The following TRIM71 variants were observed in gnomAD, a reference collection of about 807,000 sequenced individuals.
The protein encoded by TRIM71 is E3 ubiquitin-protein ligase TRIM71.
In TRIM71, 9 loss-of-function variants were observed where a neutral mutation model predicts 61.2. The observed-to-expected ratio is 0.15, with a 90% CI of 0.09 to 0.26. The LOEUF is 0.26. Among genes scored for constraint, TRIM71 ranks in the 10% least tolerant of loss-of-function variants. The pLI is 1.00. For missense variants in TRIM71, 998 were observed against 1,238.7 expected (o/e 0.81, Z 2.92); for synonymous variants, 645 against 553.2 (o/e 1.17, Z -2.33).
At chr3:32,855,369 G>A (rs1696584086) in intron 1 of TRIM71, among the ~76,000 whole-genome samples, 1 of 151,970 alleles carries the variant, frequency 6.6e-6, no homozygotes, top group South Asian at 2.1e-4. Context: ...CCACTGTGGG[G>A]TGGGGGAGGG....
At chr3:32,882,675 T>C (rs531561455) in intron 2 of TRIM71, among the ~76,000 whole-genome samples, 1 of 152,242 alleles carries the variant, frequency 6.6e-6, no homozygotes, top group East Asian at 1.9e-4. Flanking sequence ...GCCTCCCAAG[T>C]AGATGGGACT....
chr3:32,867,149 C>A (rs144579580), intron 1 of TRIM71, among the ~76,000 whole-genome samples: 21 of 152,056 alleles, frequency 1.4e-4, no homozygotes, highest in African/African-American at 4.6e-4. Flanking sequence ...GCAGATTGTT[C>A]TTGGACACTC....
At chr3:32,830,132 A>G (rs1696253125) in intron 1 of TRIM71, among the ~76,000 whole-genome samples, 1 of 151,998 alleles carries the variant, frequency 6.6e-6, no homozygotes, top group African/African-American at 2.4e-5. Flanking sequence ...CATGTTAGCC[A>G]GGCTGGTCTT....
chr3:32,880,011 G>T (rs1256267051), intron 2 of TRIM71, among the ~76,000 whole-genome samples: 3 of 151,886 alleles, frequency 2.0e-5, no homozygotes, highest in Admixed American at 2.0e-4. Context: ...TCTATGAAGT[G>T]CAATAAAATG....
intron 1 of TRIM71, among the ~76,000 whole-genome samples, chr3:32,867,102 T>C (rs1214095154): frequency 6.6e-6 from 1 of 152,072 alleles, no homozygotes; most frequent in African/African-American, 2.4e-5. Flanking sequence ...AGCCCAAACA[T>C]TTAAATTTGA....
chr3:32,832,676 A>T (rs537176227), intron 1 of TRIM71, among the ~76,000 whole-genome samples: 1 of 152,112 alleles, frequency 6.6e-6, no homozygotes, highest in South Asian at 2.1e-4. Context: ...CAAAGTGAAG[A>T]CCCCGTCTCA....
chr3:32,881,421 G>C (rs982750092), intron 2 of TRIM71, among the ~76,000 whole-genome samples: 1 of 152,062 alleles, frequency 6.6e-6, no homozygotes, highest in Non-Finnish European at 1.5e-5. Flanking sequence ...CTGACCGTTG[G>C]GCTCTTTAAA....
chr3:32,866,566 G>T (rs1696738811), intron 1 of TRIM71, among the ~76,000 whole-genome samples: 2 of 152,174 alleles, frequency 1.3e-5, no homozygotes. Flanking sequence ...AGAGCTGTGT[G>T]TTCAGGAGAA....
At chr3:32,850,265 ATT>A (rs144352341) in intron 1 of TRIM71, among the ~76,000 whole-genome samples, 1 of 151,846 alleles carries the variant, frequency 6.6e-6, no homozygotes, top group Non-Finnish European at 1.5e-5. Flanking sequence ...GGGAATACAG[ATT>A]TTTTTTTGTG....
At chr3:32,886,365 G>A (rs1324305166) in intron 3 of TRIM71, among the ~76,000 whole-genome samples, 10 of 152,166 alleles carry the variant, frequency 6.6e-5, no homozygotes, top group African/African-American at 1.9e-4. Context: ...GAGCATAGTC[G>A]AAACTGTTGT....
At chr3:32,836,189 T>C (rs1464537285) in intron 1 of TRIM71, among the ~76,000 whole-genome samples, 1 of 152,128 alleles carries the variant, frequency 6.6e-6, no homozygotes, top group African/African-American at 2.4e-5. Flanking sequence ...CCCAGCACTT[T>C]GCTCCGGAGA....
At chr3:32,833,670 A>ATTTATTTATTTAT (rs1553643720) in intron 1 of TRIM71, among the ~76,000 whole-genome samples, 1 of 149,518 alleles carries the variant, frequency 6.7e-6, no homozygotes, top group East Asian at 1.9e-4. Context: ...TTATTTATTT[A>ATTTATTTATTTAT]TTTATTTTAT....
intron 1 of TRIM71, among the ~76,000 whole-genome samples, chr3:32,827,005 C>A (rs1696210549): frequency 6.6e-6 from 1 of 152,008 alleles, no homozygotes; most frequent in Admixed American, 6.6e-5. Flanking sequence ...ACCTCATGAT[C>A]CACCCGCCTC....
At chr3:32,873,063 T>TCCTCCTTCCCTC (rs1696814023) in intron 1 of TRIM71, among the ~76,000 whole-genome samples, 1 of 83,592 alleles carries the variant, frequency 1.2e-5, no homozygotes, top group Non-Finnish European at 2.5e-5. Flanking sequence ...TTCTCTCTCT[T>TCCTCCTTCCCTC]CCTCCCTCCC....
rs1438142834 is a variant in TRIM71 at position 32,818,509 on chromosome 3, G to C, written c.429G>C (p.Ala143=). ...GGCGCGCCGGCGCTCCGGCGGGAGC[G>C]GGCGGCCACAGCAACCACCGGCACC... is the stretch of plus-strand genomic sequence containing the variant. ...KNGRAGAPAG[A]GGHSNHRHHA... The change falls in exon 1 of 4, where the codon GCG becomes GCC. Residue 143 remains alanine, a synonymous_variant. Coordinates refer to ENST00000383763, the MANE Select transcript of TRIM71 (RefSeq NM_001039111.3). 2 of 1,417,198 alleles carry C rather than the reference G, an allele frequency of 1.4e-6. No homozygotes were observed. Among genetic ancestry groups the C allele is most frequent in the South Asian group, 2.7e-5 (2 of 73,202 alleles). 87.8% of individuals were successfully genotyped at this position (1,417,198 alleles called of 1,614,324 possible). A position where few individuals can be genotyped will look rare whatever the true frequency, so the allele number is the denominator to read the frequency against.
At chr3:32,831,901 C>T (rs1451713680) in intron 1 of TRIM71, among the ~76,000 whole-genome samples, 2 of 152,130 alleles carry the variant, frequency 1.3e-5, no homozygotes, top group Non-Finnish European at 2.9e-5. Context: ...CATGAAATAA[C>T]TTGGGCAGTT....
chr3:32,822,508 T>A (rs1386852812), intron 1 of TRIM71, among the ~76,000 whole-genome samples: 2 of 152,264 alleles, frequency 1.3e-5, no homozygotes, highest in South Asian at 2.1e-4. Flanking sequence ...CCTAAAATAA[T>A]CGGTTGCTGT....
In TRIM71 at chr3:32,818,929, C is replaced by A; in HGVS notation, c.849C>A (p.Asp283Glu). The A allele has an allele frequency of 2.5e-6, 4 of 1,612,022 alleles. No individual in the cohort carries two copies. The highest frequency in any genetic ancestry group is 3.4e-6 in the Non-Finnish European group (4 of 1,179,682). ...ERLGFCQHHD[D>E]EVLHLYCDTC... is the part of the protein sequence containing the mutation. ...TCGGCTTCTGCCAGCACCACGACGA[C>A]GAGGTGAGTGCGTGGGGGCGTGTGT... The change falls in exon 1 of 4, where the codon GAC becomes GAA. Residue 283 changes from aspartate (D) to glutamate (E), a missense_variant. Around this residue, in one of 5 missense-constraint regions of TRIM71, gnomAD observed 291 missense variants for 431.2 expected, o/e 0.67. Coordinates refer to ENST00000383763, the MANE Select transcript of TRIM71 (RefSeq NM_001039111.3).
intron 1 of TRIM71, among the ~76,000 whole-genome samples, chr3:32,850,306 A>G (rs1696524009): frequency 6.6e-6 from 1 of 152,064 alleles, no homozygotes; most frequent in Non-Finnish European, 1.5e-5. Flanking sequence ...AGCATTAGGG[A>G]GGGTGAAAAG....
Sources: allele counts gnomAD v4.1 joint callset (sites outside exome capture counted in the v4.1 genomes callset), GRCh38; gene constraint gnomAD v4.1.1; regional missense constraint gnomAD v4.1.1; transcripts MANE v1.5; gene names NCBI Gene and HGNC (gene_info 2026-07-23, HGNC 2026-07-21).